TULP4: variants seen among roughly 807,000 people sequenced by gnomAD.
TULP4 encodes tubby-related protein 4.
In TULP4, 16 loss-of-function variants were observed where a neutral mutation model predicts 129.0. That is an observed-to-expected ratio of 0.12 (90% CI 0.08 to 0.19). The LOEUF (loss-of-function observed/expected upper bound fraction) is 0.19. Ranked by LOEUF, TULP4 falls within the 10% of genes least tolerant of loss-of-function variation. The probability of loss-of-function intolerance (pLI) is 1.00; values close to 1 mark genes in which losing one functional copy is unlikely to be tolerated. For missense variants in TULP4, 1,842 were observed against 2,059.1 expected (o/e 0.89, Z 2.04); for synonymous variants, 998 against 854.0 (o/e 1.17, Z -2.94).
chr6:158,310,355 C>G (rs867565290), upstream of TULP4: 2 of 123,500 alleles, frequency 1.6e-5, no homozygotes, highest in South Asian at 5.1e-4. Context: ...GAGTTTTTCT[C>G]TTTCGCCCAG....
intron 2 of TULP4, among the ~76,000 whole-genome samples, chr6:158,417,967 A>G (rs1272206357): frequency 3.3e-5 from 5 of 152,202 alleles, no homozygotes; most frequent in South Asian, 2.1e-4. Context: ...GCCTGGGTCA[A>G]TGGCATGGTC....
Position 158,461,624 on chromosome 6 carries a change from G to A in TULP4, c.921G>A (p.Gln307=), listed in dbSNP as rs1465104452. 1.2e-6 allele frequency: 2 copies of A among 1,614,064 alleles called. No individual in the cohort carries two copies. The highest frequency in any genetic ancestry group is 1.7e-6 in the Non-Finnish European group (2 of 1,180,028). ...TGGCAGTCGCTGGGATGGAACGGCAGACCCAGCTTGGTGAGCTTCCCAATG... is the reference window on the plus strand; with the variant it reads ...TGGCAGTCGCTGGGATGGAACGGCAAACCCAGCTTGGTGAGCTTCCCAATG... ...DLLAVAGMER[Q]TQLGELPNGP... is the part of the protein sequence containing the mutation. Residue 307 remains glutamine (Q), a synonymous_variant, in exon 6 of 14, where the codon CAG becomes CAA. Coordinates refer to ENST00000367097, the MANE Select transcript of TULP4 (RefSeq NM_020245.5).
At chr6:158,479,719 T>G (rs1360500898) in intron 6 of TULP4, 32 bp from the exon 7 acceptor site, 28 of 1,601,004 alleles carry the variant, frequency 1.7e-5, no homozygotes, top group Non-Finnish European at 2.2e-5. Context: ...GAGCAAAAGC[T>G]TAAGCATTGT....
At chr6:158,448,927 A>G in intron 3 of TULP4, 69 bp from the exon 4 acceptor site, 1 of 1,487,252 alleles carries the variant, frequency 6.7e-7, no homozygotes, top group Non-Finnish European at 9.1e-7. Context: ...AAACAAATCG[A>G]GGCAACAAGG....
intron 1 of TULP4, among the ~76,000 whole-genome samples, chr6:158,261,731 C>T (rs1200526745): frequency 1.3e-5 from 2 of 152,094 alleles, no homozygotes; most frequent in Non-Finnish European, 2.9e-5. Flanking sequence ...GGCTGGTGGG[C>T]GTGGGCTGGT....
chr6:158,360,727 G>C (rs148963862), intron 1 of TULP4, among the ~76,000 whole-genome samples: 1 of 152,164 alleles, frequency 6.6e-6, no homozygotes, highest in Non-Finnish European at 1.5e-5. Flanking sequence ...TGAGCAGGTG[G>C]AATAGGCTGT....
At chr6:158,463,258 G>C (rs1026973318) in intron 6 of TULP4, among the ~76,000 whole-genome samples, 1 of 152,158 alleles carries the variant, frequency 6.6e-6, no homozygotes. Flanking sequence ...TTGTTGTTAA[G>C]CAGTAATTTT....
intron 1 of TULP4, among the ~76,000 whole-genome samples, chr6:158,318,300 C>A (rs1334181588): frequency 6.6e-6 from 1 of 152,020 alleles, no homozygotes; most frequent in Non-Finnish European, 1.5e-5. Flanking sequence ...CCTCTACTCT[C>A]CCCCACCCAC....
chr6:158,322,942 G>C (rs1334620455), intron 1 of TULP4, among the ~76,000 whole-genome samples: 1 of 152,150 alleles, frequency 6.6e-6, no homozygotes, highest in Non-Finnish European at 1.5e-5. Flanking sequence ...TTTGAGCAGG[G>C]CCTTGAGAAA....
intron 1 of TULP4, among the ~76,000 whole-genome samples, chr6:158,298,592 C>T (rs1441748644): frequency 6.6e-6 from 1 of 152,170 alleles, no homozygotes; most frequent in East Asian, 1.9e-4. Flanking sequence ...TGATCTCGAA[C>T]CAACATTATA....
chr6:158,477,739 C>T (rs993059076), intron 6 of TULP4, among the ~76,000 whole-genome samples: 3 of 152,146 alleles, frequency 2.0e-5, no homozygotes, highest in African/African-American at 4.8e-5. Context: ...TAACGTTCGA[C>T]CCAGCAATCC....
rs1289814148 is a variant in TULP4 at position 158,317,149 on chromosome 6, T to G, written c.252+2881T>G. 1.1e-4 allele frequency among the ~76,000 whole-genome samples: 17 copies of G among 149,064 alleles called. No homozygotes were observed. In the Admixed American group the frequency reaches 1.2e-3, roughly 10 times the overall value. On this transcript the variant is annotated intron_variant, in intron 1 of 13. Transcript: ENST00000367097. The stretch of plus-strand genomic sequence containing the variant: ...TGGCTGTCTCACTGCTGAAACTGTT[T>G]TGCATGATTTTTCCACATTGCATTT...
At chr6:158,338,920 G>C (rs1028364118) in intron 1 of TULP4, among the ~76,000 whole-genome samples, 7 of 152,208 alleles carry the variant, frequency 4.6e-5, no homozygotes, top group African/African-American at 1.7e-4. Flanking sequence ...AGTCTCTGAT[G>C]ACAGCTCTTC....
Position 158,498,548 on chromosome 6 carries a change from C to T in TULP4, c.1871-121C>T, listed in dbSNP as rs1395320857. The stretch of plus-strand genomic sequence containing the variant: ...CCTCTCAGCCTCTGGGCCCTGCCTA[C>T]ACAGATCTGTCTTCTGATGGCAGGG... On this transcript the variant is annotated intron_variant, in intron 11 of 13. Coordinates refer to ENST00000367097, the MANE Select transcript of TULP4 (RefSeq NM_020245.5). 35 of 1,280,880 alleles carry T rather than the reference C, an allele frequency of 2.7e-5. No individual in the cohort carries two copies. In the Admixed American group the frequency reaches 6.6e-4, roughly 24 times the overall value. The allele number at this position is 1,280,880 out of a possible 1,614,324, so 79.3% of individuals were successfully genotyped here.
intron 1 of TULP4, among the ~76,000 whole-genome samples, chr6:158,330,102 A>C (rs1158791341): frequency 6.6e-6 from 1 of 151,212 alleles, no homozygotes; most frequent in Admixed American, 6.6e-5. Context: ...TCAGCATGTA[A>C]TCGATATACA....
At chr6:158,364,864 G>A in intron 1 of TULP4, among the ~76,000 whole-genome samples, 2 of 152,032 alleles carry the variant, frequency 1.3e-5, no homozygotes, top group Middle Eastern at 3.2e-3. Context: ...AGCCTTCCGA[G>A]TTGTGGGACT....
chr6:158,342,947 ATGTGTGTGTG>A (rs5881254), intron 1 of TULP4, among the ~76,000 whole-genome samples: 21,765 of 147,530 alleles, frequency 0.15, 2,224 homozygotes, highest in East Asian at 0.41. Context: ...TTAAAAATAA[ATGTGTGTGTG>A]TGTGTGTGTG....
chr6:158,377,932 C>T (rs767273089), intron 1 of TULP4, among the ~76,000 whole-genome samples: 4 of 152,156 alleles, frequency 2.6e-5, no homozygotes, highest in Admixed American at 6.5e-5. Flanking sequence ...CTGAGCTAGG[C>T]GGTTCTTACA....
chr6:158,301,411 G>A (rs1272160085), intron 1 of TULP4, among the ~76,000 whole-genome samples: 1 of 146,916 alleles, frequency 6.8e-6, no homozygotes, highest in Non-Finnish European at 1.5e-5. Context: ...TTTTTTTTTG[G>A]ATAATGATTG....
Sources: gnomAD v4.1 joint callset for allele counts (sites outside exome capture counted in the v4.1 genomes callset) on GRCh38, gnomAD v4.1.1 for gene constraint, MANE v1.5 for transcripts, NCBI Gene and HGNC (gene_info 2026-07-23, HGNC 2026-07-21) for gene names.